Variants in CNTN6 observed in about 807,000 individuals in gnomAD.
CNTN6 encodes the protein contactin 6.
CNTN6 carries 137 observed loss-of-function variants against 122.8 expected under a neutral mutation model. The observed-to-expected ratio is 1.12, with a 90% CI of 0.97 to 1.29. The LOEUF is 1.29. Ranked by LOEUF, CNTN6 falls within the 50% of genes most tolerant of loss-of-function variation. The probability of loss-of-function intolerance (pLI) is 0.00; values close to 1 mark genes in which losing one functional copy is unlikely to be tolerated. For synonymous variants in CNTN6, 570 were observed against 426.0 expected (o/e 1.34, Z -4.16); for missense variants, 1,634 against 1,223.4 (o/e 1.34, Z -5.01).
intron 4 of CNTN6, among the ~76,000 whole-genome samples, chr3:1,265,219 A>C (rs1268513208): frequency 6.6e-6 from 1 of 152,102 alleles, no homozygotes; most frequent in African/African-American, 2.4e-5. Context: ...GGATATATAC[A>C]AGAAGTGGGA....
At chr3:1,219,273 C>G (rs1263507238) in intron 2 of CNTN6, among the ~76,000 whole-genome samples, 3 of 152,174 alleles carry the variant, frequency 2.0e-5, no homozygotes, top group Admixed American at 2.0e-4. Context: ...AGCAATGGGA[C>G]AGATAGAAGT....
At chr3:1,253,471 G>A (rs1265006452) in intron 4 of CNTN6, among the ~76,000 whole-genome samples, 2 of 152,110 alleles carry the variant, frequency 1.3e-5, no homozygotes, top group Non-Finnish European at 2.9e-5. Flanking sequence ...GTCCTTGCAG[G>A]TAATTTTGTC....
intron 2 of CNTN6, among the ~76,000 whole-genome samples, chr3:1,204,075 A>T (rs1044217205): frequency 6.6e-6 from 1 of 152,182 alleles, no homozygotes; most frequent in Non-Finnish European, 1.5e-5. Flanking sequence ...AAATTGCCTA[A>T]TGACACATTT....
At chr3:1,127,330 A>C (rs1416923897) in intron 1 of CNTN6, among the ~76,000 whole-genome samples, 1 of 151,866 alleles carries the variant, frequency 6.6e-6, no homozygotes, top group Non-Finnish European at 1.5e-5. Context: ...ACAGTATTAC[A>C]TAATGGACAA....
At chr3:1,241,865 A>T (rs570080631) in intron 4 of CNTN6, among the ~76,000 whole-genome samples, 1 of 152,202 alleles carries the variant, frequency 6.6e-6, no homozygotes, top group East Asian at 1.9e-4. Flanking sequence ...AAGGCCTCTA[A>T]AAGTATTAAA....
intron 1 of CNTN6, among the ~76,000 whole-genome samples, chr3:1,128,903 A>C (rs2092256932): frequency 6.6e-6 from 1 of 151,998 alleles, no homozygotes; most frequent in African/African-American, 2.4e-5. Context: ...CCATAAAACC[A>C]TTTTGGATAG....
chr3:1,221,961 T>C (rs944354190), intron 3 of CNTN6, among the ~76,000 whole-genome samples: 4 of 152,202 alleles, frequency 2.6e-5, no homozygotes, highest in Non-Finnish European at 5.9e-5. Flanking sequence ...TTGATGTGCA[T>C]AGTTATTTAG....
chr3:1,141,085 A>G (rs1434449906), intron 1 of CNTN6, among the ~76,000 whole-genome samples: 2 of 152,224 alleles, frequency 1.3e-5, no homozygotes, highest in African/African-American at 4.8e-5. Flanking sequence ...TTAAAAGTAA[A>G]TAACTCCGTG....
At chr3:1,115,124 T>C (rs1041954422) in intron 1 of CNTN6, among the ~76,000 whole-genome samples, 1 of 152,192 alleles carries the variant, frequency 6.6e-6, no homozygotes, top group Non-Finnish European at 1.5e-5. Context: ...TCCTTCTGTG[T>C]ATAAGGTGAA....
intron 11 of CNTN6, among the ~76,000 whole-genome samples, chr3:1,333,352 G>A (rs929816081): frequency 1.3e-5 from 2 of 151,966 alleles, no homozygotes; most frequent in African/African-American, 4.8e-5. Context: ...ACAGAACGCT[G>A]AGCCCAGTAC....
At chr3:1,273,411 G>C (rs1691734122) in intron 4 of CNTN6, among the ~76,000 whole-genome samples, 1 of 152,152 alleles carries the variant, frequency 6.6e-6, no homozygotes, top group African/African-American at 2.4e-5. Context: ...AGTTTTTAAA[G>C]GTCTTACAGA....
intron 2 of CNTN6, among the ~76,000 whole-genome samples, chr3:1,163,825 C>T (rs2093187988): frequency 6.6e-6 from 1 of 152,214 alleles, no homozygotes; most frequent in African/African-American, 2.4e-5. Flanking sequence ...ACCTGAAACA[C>T]ATGATTAGCA....
At chr3:1,104,167 G>GT (rs1272539369) in intron 1 of CNTN6, among the ~76,000 whole-genome samples, 9 of 152,134 alleles carry the variant, frequency 5.9e-5, no homozygotes, top group African/African-American at 1.7e-4. Flanking sequence ...ACTCTACCAG[G>GT]TGGAAAGGGG....
At chr3:1,391,874 A>T (rs980152789) in intron 20 of CNTN6, among the ~76,000 whole-genome samples, 4 of 152,108 alleles carry the variant, frequency 2.6e-5, no homozygotes, top group African/African-American at 9.7e-5. Context: ...CTTCAAGGAG[A>T]ACTGCAAACC....
chr3:1,241,648 C>T (rs1383674086), intron 4 of CNTN6, among the ~76,000 whole-genome samples: 2 of 152,108 alleles, frequency 1.3e-5, no homozygotes, highest in East Asian at 3.9e-4. Flanking sequence ...GCTTGGTTGG[C>T]AAGTTTTTGG....
At chr3:1,277,788 T>G (rs1692682862) in intron 4 of CNTN6, among the ~76,000 whole-genome samples, 1 of 152,188 alleles carries the variant, frequency 6.6e-6, no homozygotes, top group South Asian at 2.1e-4. Context: ...GTGGAAAGAT[T>G]TATACCTCAG....
At chr3:1,160,587 T>C (rs2093108952) in intron 2 of CNTN6, among the ~76,000 whole-genome samples, 1 of 151,334 alleles carries the variant, frequency 6.6e-6, no homozygotes, top group African/African-American at 2.4e-5. Flanking sequence ...ACCTAAGTGC[T>C]TTTAAAAGCT....
At chr3:1,359,038 C>T (rs531682390) in intron 12 of CNTN6, among the ~76,000 whole-genome samples, 2 of 152,046 alleles carry the variant, frequency 1.3e-5, no homozygotes, top group Middle Eastern at 3.4e-3. Context: ...CCAGCCTAGG[C>T]AATACAGCAA....
At chr3:1,375,219 T>A (rs1709689774) in intron 16 of CNTN6, among the ~76,000 whole-genome samples, 1 of 152,102 alleles carries the variant, frequency 6.6e-6, no homozygotes, top group African/African-American at 2.4e-5. Context: ...GTTGTTTGTT[T>A]ACAGTTGATT....
Sources: allele counts gnomAD v4.1 joint callset (sites outside exome capture counted in the v4.1 genomes callset), GRCh38; gene constraint gnomAD v4.1.1; transcripts MANE v1.5; gene names NCBI Gene and HGNC (gene_info 2026-07-23, HGNC 2026-07-21).